RAB10: variants seen among roughly 807,000 people sequenced by gnomAD.
RAB10 encodes RAB10, member RAS oncogene family.
RAB10 carries 5 observed loss-of-function variants against 25.7 expected under a neutral mutation model. The ratio of observed to expected loss-of-function variants is 0.19; its 90% CI spans 0.10 to 0.41. The LOEUF (loss-of-function observed/expected upper bound fraction) is 0.41. RAB10 is among the 10% of genes least tolerant of loss of function. RAB10 has a pLI of 1.00. For missense variants in RAB10, 103 were observed against 245.8 expected (o/e 0.42, Z 3.89); for synonymous variants, 89 against 86.4 (o/e 1.03, Z -0.16).
At chr2:26,113,139 C>T (rs1213178281) in intron 3 of RAB10, among the ~76,000 whole-genome samples, 4 of 152,124 alleles carry the variant, frequency 2.6e-5, no homozygotes, top group Non-Finnish European at 5.9e-5. Flanking sequence ...GATTATATAA[C>T]ATGATCAAGA....
chr2:26,126,313 C>T (rs1195439442), intron 3 of RAB10, among the ~76,000 whole-genome samples: 1 of 152,162 alleles, frequency 6.6e-6, no homozygotes. Flanking sequence ...CTCAGTGGCT[C>T]ATGCCTGTAA....
chr2:26,068,002 A>G (rs1666547477), intron 1 of RAB10, among the ~76,000 whole-genome samples: 1 of 152,214 alleles, frequency 6.6e-6, no homozygotes, highest in South Asian at 2.1e-4. Context: ...AAACCAGAGT[A>G]GTTCTCTAGT....
rs370773306 is a variant in RAB10 at position 26,035,352 on chromosome 2, G to A, written c.127+617G>A. On this transcript the variant is annotated intron_variant, in intron 1 of 5. Coordinates refer to ENST00000264710, the MANE Select transcript of RAB10 (RefSeq NM_016131.5). The stretch of plus-strand genomic sequence containing the variant: ...GAGACATCAACAGAAGCAGTAATCT[G>A]AGGGAGATGATCAGTTTCTGTCCTC... Among the ~76,000 whole-genome samples, 15 of 152,314 alleles carry A rather than the reference G, an allele frequency of 9.8e-5. No individual in the cohort carries two copies. In the South Asian group the frequency reaches 2.7e-3, roughly 27 times the overall value.
chr2:26,123,427 G>A lies in RAB10; in HGVS notation c.328-3717G>A, dbSNP rs186315874. On this transcript the variant is annotated intron_variant, in intron 3 of 5. Transcript: ENST00000264710. ...GAATTACACCGCTGAAGATGCCATC[G>A]TTATAGAAAAAGCCATGAAAGCCAT... is the stretch of plus-strand genomic sequence containing the variant. Among the ~76,000 whole-genome samples, 34 of 152,236 alleles carry A rather than the reference G, an allele frequency of 2.2e-4. No homozygotes were observed. In the East Asian group the frequency reaches 5.0e-3, roughly 22 times the overall value.
Position 26,034,580 on chromosome 2 carries a change from G to C in RAB10, c.-29G>C. 6.2e-7 allele frequency: 1 copy of C among 1,612,332 alleles called. No individual in the cohort carries two copies. Among genetic ancestry groups the C allele is most frequent in the Non-Finnish European group, 8.5e-7 (1 of 1,179,892 alleles). On this transcript the variant is annotated 5_prime_UTR_variant, in exon 1 of 6. Transcript: ENST00000264710. ...GAGGGACCGATCCCTTGGGGCCGCC[G>C]GCGGCGAGAGCCCGAGCCGCTCCTC... is the stretch of plus-strand genomic sequence containing the variant.
intron 1 of RAB10, among the ~76,000 whole-genome samples, chr2:26,078,985 C>G (rs2149272973): frequency 6.6e-6 from 1 of 152,234 alleles, no homozygotes; most frequent in Non-Finnish European, 1.5e-5. Flanking sequence ...GTCAGGAATT[C>G]AAGACCATTC....
chr2:26,120,009 T>G (rs1166163548), intron 3 of RAB10, among the ~76,000 whole-genome samples: 1 of 152,258 alleles, frequency 6.6e-6, no homozygotes, highest in Non-Finnish European at 1.5e-5. Flanking sequence ...GAAAATATCT[T>G]AACACTTATA....
chr2:26,098,696 A>G lies in RAB10; in HGVS notation c.162A>G (p.Gln54=). ...IDFKIKTVEL[Q]GKKIKLQIWD... is the part of the protein sequence containing the mutation. ...TCAAGATCAAAACAGTTGAATTACAAGGAAAGAAGATCAAGCTACAGATAT... is the reference window on the plus strand; with the variant it reads ...TCAAGATCAAAACAGTTGAATTACAGGGAAAGAAGATCAAGCTACAGATAT... The change falls in exon 2 of 6, where the codon CAA becomes CAG. Residue 54 remains glutamine, a synonymous_variant. Coordinates refer to ENST00000264710, the MANE Select transcript of RAB10 (RefSeq NM_016131.5). 3.8e-6 allele frequency: 6 copies of G among 1,593,030 alleles called. No homozygotes were observed. The highest frequency in any genetic ancestry group is 5.2e-6 in the Non-Finnish European group (6 of 1,162,234).
intron 1 of RAB10, among the ~76,000 whole-genome samples, chr2:26,082,802 C>T (rs535748730): frequency 2.0e-5 from 3 of 152,078 alleles, no homozygotes; most frequent in African/African-American, 7.2e-5. Flanking sequence ...TGACCTATCC[C>T]TAATGAACAT....
chr2:26,061,560 A>T (rs745637412), intron 1 of RAB10, among the ~76,000 whole-genome samples: 15 of 148,678 alleles, frequency 1.0e-4, no homozygotes, highest in East Asian at 2.0e-4. Flanking sequence ...ATTAAAAAAA[A>T]TTTTTTTTTT....
intron 3 of RAB10, among the ~76,000 whole-genome samples, chr2:26,113,503 G>A (rs1041594061): frequency 6.6e-6 from 1 of 152,066 alleles, no homozygotes; most frequent in Non-Finnish European, 1.5e-5. Context: ...GAGCCCAGGA[G>A]GTGGAGGTTG....
At chr2:26,050,513 G>C (rs1666108114) in intron 1 of RAB10, among the ~76,000 whole-genome samples, 1 of 152,066 alleles carries the variant, frequency 6.6e-6, no homozygotes, top group Non-Finnish European at 1.5e-5. Context: ...GGCCTTTCCA[G>C]GTCCTTCCAA....
At chr2:26,061,214 A>G (rs1436495036) in intron 1 of RAB10, among the ~76,000 whole-genome samples, 1 of 150,194 alleles carries the variant, frequency 6.7e-6, no homozygotes, top group Non-Finnish European at 1.5e-5. Flanking sequence ...TCCCGGGCTC[A>G]AGCTATCCTC....
intron 1 of RAB10, among the ~76,000 whole-genome samples, chr2:26,039,254 C>T (rs1323486807): frequency 6.6e-6 from 1 of 151,976 alleles, no homozygotes; most frequent in Non-Finnish European, 1.5e-5. Context: ...CTCCTGACGT[C>T]AGGTGATCCG....
At chr2:26,127,737 T>C (rs1574564424) in intron 4 of RAB10, 113 bp from the exon 5 acceptor site, 12 of 699,756 alleles carry the variant, frequency 1.7e-5, no homozygotes, top group East Asian at 1.6e-4. Context: ...CTGTGTTATA[T>C]ATTCTAGTTG....
chr2:26,082,561 T>A (rs922103779), intron 1 of RAB10, among the ~76,000 whole-genome samples: 1 of 152,098 alleles, frequency 6.6e-6, no homozygotes, highest in African/African-American at 2.4e-5. Context: ...ATTTTAACAG[T>A]CCTCTCTTAG....
intron 3 of RAB10, among the ~76,000 whole-genome samples, chr2:26,118,236 G>T (rs991601688): frequency 6.6e-6 from 1 of 152,192 alleles, no homozygotes; most frequent in Non-Finnish European, 1.5e-5. Flanking sequence ...CACCCAAAGT[G>T]CTGGGATTAC....
intron 3 of RAB10, among the ~76,000 whole-genome samples, chr2:26,117,619 C>CAAA (rs71399361): frequency 1.2e-4 from 4 of 34,372 alleles, no homozygotes; most frequent in African/African-American, 4.6e-4. Flanking sequence ...GACTCCGTCT[C>CAAA]AAAAAAAAAA....
intron 3 of RAB10, among the ~76,000 whole-genome samples, chr2:26,126,021 GTTAATTTT>G (rs1486748405): frequency 2.0e-5 from 3 of 152,070 alleles, no homozygotes; most frequent in African/African-American, 7.2e-5. Context: ...TCTAGTTCAA[GTTAATTTT>G]TTTATATGGT....
Sources: allele counts gnomAD v4.1 joint callset (sites outside exome capture counted in the v4.1 genomes callset), GRCh38; gene constraint gnomAD v4.1.1; transcripts MANE v1.5; gene names NCBI Gene and HGNC (gene_info 2026-07-23, HGNC 2026-07-21).